GRID1: variants seen among roughly 807,000 people sequenced by gnomAD.
GRID1 encodes the protein glutamate ionotropic receptor delta type subunit 1.
In GRID1, 28 loss-of-function variants were observed where a neutral mutation model predicts 98.0. The observed-to-expected ratio is 0.29, with a 90% CI of 0.21 to 0.39. GRID1 has a LOEUF of 0.39. Among genes scored for constraint, GRID1 ranks in the 10% least tolerant of loss-of-function variants. GRID1 has a pLI of 1.00. For missense variants in GRID1, 1,111 were observed against 1,340.5 expected (o/e 0.83, Z 2.67); for synonymous variants, 553 against 538.5 (o/e 1.03, Z -0.37).
intron 2 of GRID1, among the ~76,000 whole-genome samples, chr10:86,221,252 A>G (rs1192221430): frequency 6.6e-6 from 1 of 152,220 alleles, no homozygotes; most frequent in African/African-American, 2.4e-5. Context: ...GAAAAATAAT[A>G]CAACAAAACT....
intron 2 of GRID1, among the ~76,000 whole-genome samples, chr10:86,231,502 G>A (rs1006674806): frequency 1.3e-5 from 2 of 152,186 alleles, no homozygotes; most frequent in Non-Finnish European, 1.5e-5. Context: ...TGCTGAACCA[G>A]GCAGGCCCAT....
At chr10:85,953,387 G>A (rs1842149890) in intron 4 of GRID1, among the ~76,000 whole-genome samples, 1 of 152,164 alleles carries the variant, frequency 6.6e-6, no homozygotes, top group South Asian at 2.1e-4. Flanking sequence ...AGGGCAGGGA[G>A]AGGATCAGGA....
At chr10:85,773,073 A>C (rs910949314) in intron 8 of GRID1, among the ~76,000 whole-genome samples, 28 of 152,236 alleles carry the variant, frequency 1.8e-4, no homozygotes, top group Non-Finnish European at 3.2e-4. Flanking sequence ...AAAAATCCTC[A>C]ATAAAATACT....
At chr10:85,680,762 A>G (rs912855777) in intron 12 of GRID1, among the ~76,000 whole-genome samples, 3 of 152,338 alleles carry the variant, frequency 2.0e-5, no homozygotes, top group African/African-American at 7.2e-5. Flanking sequence ...CTTTGACCAG[A>G]TAAAGAAAAT....
intron 12 of GRID1, among the ~76,000 whole-genome samples, chr10:85,718,034 T>C (rs1479298132): frequency 6.6e-6 from 1 of 152,190 alleles, no homozygotes; most frequent in Non-Finnish European, 1.5e-5. Flanking sequence ...CTTTGCAGGG[T>C]ACAGCCTCCC....
intron 4 of GRID1, among the ~76,000 whole-genome samples, chr10:86,120,869 G>A (rs184270107): frequency 1.3e-5 from 2 of 152,118 alleles, no homozygotes; most frequent in African/African-American, 2.4e-5. Flanking sequence ...CTGGTTTGCC[G>A]GCTGCCACCA....
intron 12 of GRID1, among the ~76,000 whole-genome samples, chr10:85,666,508 C>T (rs1200208299): frequency 1.3e-5 from 2 of 152,138 alleles, no homozygotes; most frequent in Non-Finnish European, 2.9e-5. Flanking sequence ...GTACCTGCAA[C>T]CTTGGGTGGA....
intron 5 of GRID1, among the ~76,000 whole-genome samples, chr10:85,907,807 C>T (rs1841483521): frequency 6.6e-6 from 1 of 151,954 alleles, no homozygotes; most frequent in African/African-American, 2.4e-5. Context: ...TCAAATAGAA[C>T]AATATATACA....
intron 2 of GRID1, among the ~76,000 whole-genome samples, chr10:86,315,345 C>G (rs552045204): frequency 1.3e-5 from 2 of 152,186 alleles, no homozygotes. Context: ...AGCCAGCACT[C>G]CTGGACCCCA....
At chr10:85,673,616 G>A (rs1010885743) in intron 12 of GRID1, among the ~76,000 whole-genome samples, 10 of 152,236 alleles carry the variant, frequency 6.6e-5, no homozygotes, top group African/African-American at 2.4e-4. Context: ...GGCTCAGGTG[G>A]GGGTTAGTAC....
intron 4 of GRID1, among the ~76,000 whole-genome samples, chr10:86,025,064 G>T (rs900618963): frequency 6.6e-6 from 1 of 152,180 alleles, no homozygotes; most frequent in Non-Finnish European, 1.5e-5. Flanking sequence ...TGTGATAAGA[G>T]AGGCTCAAAA....
intron 2 of GRID1, among the ~76,000 whole-genome samples, chr10:86,209,667 T>A (rs1039477272): frequency 3.9e-5 from 6 of 152,262 alleles, no homozygotes; most frequent in African/African-American, 1.4e-4. Context: ...TTTATAATCT[T>A]AAACAGCAAT....
At chr10:86,221,426 G>A (rs1030220596) in intron 2 of GRID1, among the ~76,000 whole-genome samples, 1 of 152,178 alleles carries the variant, frequency 6.6e-6, no homozygotes, top group Admixed American at 6.5e-5. Context: ...ACGCCGTGCT[G>A]GGAACACAGA....
chr10:86,359,848 T>C (rs1230941258), intron 2 of GRID1, among the ~76,000 whole-genome samples: 2 of 152,236 alleles, frequency 1.3e-5, no homozygotes, highest in African/African-American at 4.8e-5. Flanking sequence ...TTTTAGTACC[T>C]AGAAGACAAA....
At position 86,054,535 on chromosome 10, in the gene GRID1, G is replaced by A. The variant is rs1040289676; in HGVS notation, c.726+84284C>T. On this transcript the variant is annotated intron_variant, in intron 4 of 15. Coordinates refer to ENST00000327946, the MANE Select transcript of GRID1 (RefSeq NM_017551.3). ...CACTTATCCACAGCTTTCCTCCCTG[G>A]GTGTAAAGGAGAGAGCAGTGTGCCC... Among the ~76,000 whole-genome samples, 3 of 152,098 alleles carry A rather than the reference G, an allele frequency of 2.0e-5. 1 individual carries two copies. The highest frequency in any genetic ancestry group is 4.4e-5 in the Non-Finnish European group (3 of 68,016).
At chr10:86,360,642 G>T (rs1196660766) in intron 2 of GRID1, among the ~76,000 whole-genome samples, 2 of 152,180 alleles carry the variant, frequency 1.3e-5, no homozygotes, top group Non-Finnish European at 2.9e-5. Context: ...TTCACAGTTG[G>T]GTCAAGGAAC....
chr10:86,171,330 T>C (rs573966855), intron 3 of GRID1, among the ~76,000 whole-genome samples: 58 of 152,196 alleles, frequency 3.8e-4, no homozygotes, highest in Non-Finnish European at 6.2e-4. Context: ...GCCTGAAAGT[T>C]GGAAAGGAAG....
chr10:85,901,244 T>TTTAG (rs1841382493), intron 5 of GRID1, among the ~76,000 whole-genome samples: 1 of 151,040 alleles, frequency 6.6e-6, no homozygotes, highest in Admixed American at 6.6e-5. Flanking sequence ...TATTTATTTA[T>TTTAG]TTATTTATTT....
In GRID1 at chr10:86,115,696, T is replaced by C. The variant is rs867655286; in HGVS notation, c.726+23123A>G. Among the ~76,000 whole-genome samples the C allele has an allele frequency of 8.5e-5, 13 of 152,310 alleles. 1 individual carries two copies. The South Asian group carries it at 1.7e-3, about 19-fold the overall frequency. On this transcript the variant is annotated intron_variant, in intron 4 of 15. Transcript: ENST00000327946. ...TCTGCTAACCCGTGAGGTGATCTAC[T>C]TGCCTAAAAGGACCGACAGAGCCAG...
Sources: allele counts gnomAD v4.1 joint callset (sites outside exome capture counted in the v4.1 genomes callset), GRCh38; gene constraint gnomAD v4.1.1; transcripts MANE v1.5; gene names NCBI Gene and HGNC (gene_info 2026-07-23, HGNC 2026-07-21).